Variants in GLT8D1 observed in about 807,000 individuals in gnomAD.
The protein encoded by GLT8D1 is glycosyltransferase 8 domain-containing protein 1.
GLT8D1 carries 41 observed loss-of-function variants against 46.2 expected under a neutral mutation model. The observed-to-expected ratio is 0.89, with a 90% CI of 0.69 to 1.15. The LOEUF is 1.15. Among genes scored for constraint, GLT8D1 ranks in the 50% most tolerant of loss-of-function variants. The pLI, the probability that GLT8D1 is intolerant of heterozygous loss-of-function variation, is 0.00. For synonymous variants in GLT8D1, 150 were observed against 154.2 expected (o/e 0.97, Z 0.20); for missense variants, 408 against 449.3 (o/e 0.91, Z 0.83).
At chr3:52,699,386 G>T (rs1452985601) in intron 3 of GLT8D1, among the ~76,000 whole-genome samples, 3 of 152,184 alleles carry the variant, frequency 2.0e-5, no homozygotes, top group African/African-American at 7.2e-5. Flanking sequence ...CTGGGTTCAA[G>T]CGATTCTCCT....
chr3:52,697,544 T>G, intron 4 of GLT8D1, 177 bp downstream of exon 4: 1 of 601,878 alleles, frequency 1.7e-6, no homozygotes. Context: ...CTTCTCCTAT[T>G]ATGGGGATAT....
intron 7 of GLT8D1, 155 bp downstream of exon 7, chr3:52,695,773 T>TGTCAA (rs1334290655): frequency 1.4e-5 from 9 of 638,890 alleles, no homozygotes; most frequent in Admixed American, 3.0e-5. Flanking sequence ...ACAATTAGGC[T>TGTCAA]GTCAAGTCCA....
chr3:52,699,098 A>G (rs903301304), intron 3 of GLT8D1, among the ~76,000 whole-genome samples: 1 of 152,180 alleles, frequency 6.6e-6, no homozygotes, highest in African/African-American at 2.4e-5. Context: ...TACAGTTTAT[A>G]TATAGTACAA....
Position 52,696,554 on chromosome 3 carries a change from T to C in GLT8D1, c.435A>G (p.Glu145=), listed in dbSNP as rs1324799570. The change falls in exon 5 of 10, where the codon GAA becomes GAG. Residue 145 remains glutamate, a synonymous_variant. Transcript: ENST00000266014. ...GCATGGAACTCACAGGTTTCATGGA[T>C]TCCCCCTGGTCAGGATCCTCCTTTA... The part of the protein sequence containing the change: ...GKVKEDPDQG[E]SMKPLTFARF... 1.9e-6 allele frequency: 3 copies of C among 1,565,922 alleles called. No individual in the cohort carries two copies. Among genetic ancestry groups the C allele is most frequent in the Admixed American group, 1.7e-5 (1 of 59,802 alleles).
intron 1 of GLT8D1, among the ~76,000 whole-genome samples, chr3:52,702,332 G>A (rs2097340049): frequency 6.6e-6 from 1 of 152,142 alleles, no homozygotes; most frequent in South Asian, 2.1e-4. Flanking sequence ...GATCACCTGA[G>A]CTGAGGAGTT....
Position 52,705,744 on chromosome 3 carries a change from C to A in GLT8D1, c.-334G>T. 1.1e-6 allele frequency: 1 copy of A among 935,134 alleles called. No homozygotes were observed. Among genetic ancestry groups the A allele is most frequent in the Non-Finnish European group, 1.4e-6 (1 of 720,276 alleles). The allele number at this position is 935,134 out of a possible 1,614,324, so 57.9% of individuals were successfully genotyped here. A position where few individuals can be genotyped will look rare whatever the true frequency, so the allele number is the denominator to read the frequency against. On this transcript the variant is annotated 5_prime_UTR_variant, in exon 1 of 10. Coordinates refer to ENST00000266014, the MANE Select transcript of GLT8D1 (RefSeq NM_018446.4). ...AGCCGCGCAGCCCCACTACGCCCAG[C>A]CAGCCCGCAGCGGTAACCGCTAGAG...
Position 52,695,965 on chromosome 3 carries a change from G to T in GLT8D1, c.608C>A (p.Ala203Asp). 1 of 1,611,692 alleles carries T rather than the reference G, an allele frequency of 6.2e-7. No individual in the cohort carries two copies. The highest frequency in any genetic ancestry group is 8.5e-7 in the Non-Finnish European group (1 of 1,177,768). ...AAAFSEDCDSASTKVVIRGAG... is the reference protein window; with the variant it reads ...AAAFSEDCDSDSTKVVIRGAG... ...TCCACGGATGACAACTTTAGTAGAGGCTGAATCACAATCTTCTGAAAATGC... is the reference window on the plus strand; with the variant it reads ...TCCACGGATGACAACTTTAGTAGAGTCTGAATCACAATCTTCTGAAAATGC... Residue 203 changes from alanine to aspartate, a missense_variant, in exon 7 of 10, where the codon GCC (alanine) becomes GAC (aspartate). Physicochemically the swap from Ala to Asp is moderately radical, Grantham distance 126. Transcript: ENST00000266014.
At chr3:52,700,564 CTTTTT>C in intron 1 of GLT8D1, 68 bp from the exon 2 acceptor site, 2 of 535,680 alleles carry the variant, frequency 3.7e-6, no homozygotes, top group Non-Finnish European at 3.3e-6. Context: ...TGCCCTAACA[CTTTTT>C]TTTTTTTTTT....
intron 1 of GLT8D1, among the ~76,000 whole-genome samples, chr3:52,702,317 G>A (rs533082262): frequency 7.3e-4 from 111 of 152,230 alleles, no homozygotes; most frequent in African/African-American, 2.4e-3. Context: ...AGGCTAACGC[G>A]GGCAGATCAC....
In GLT8D1 at chr3:52,703,856, A is replaced by C. The variant is rs896373954; in HGVS notation, c.-37+1591T>G. Reference sequence around the variant, plus strand: ...AATCCATATTGTCTTTCCTGGGGCTATTCCTGGTAAGAGAGCTTTCCTGAT... The same window carrying C: ...AATCCATATTGTCTTTCCTGGGGCTCTTCCTGGTAAGAGAGCTTTCCTGAT... On this transcript the variant is annotated intron_variant, in intron 1 of 9. Transcript: ENST00000266014. The C allele has an allele frequency of 2.6e-5, 4 of 152,216 alleles. No homozygotes were observed. The East Asian group carries it at 7.7e-4, about 29-fold the overall frequency. 9.4% of individuals were successfully genotyped at this position (152,216 alleles called of 1,614,324 possible).
In GLT8D1 at chr3:52,695,523, C is replaced by T; in HGVS notation, c.710G>A (p.Ser237Asn). 6.2e-7 allele frequency: 1 copy of T among 1,611,180 alleles called. No homozygotes were observed. The highest frequency in any genetic ancestry group is 8.5e-7 in the Non-Finnish European group (1 of 1,177,358). Residue 237 changes from serine (S) to asparagine (N), a missense_variant, in exon 8 of 10, where the codon AGC (serine) becomes AAC (asparagine). Physicochemically the swap from Ser to Asn is conservative, Grantham distance 46 (BLOSUM62 1). Transcript: ENST00000266014. ...ERIRKLSMKA[S>N]TCSFNPGVFV... is the part of the protein sequence containing the mutation. Reference sequence around the variant, plus strand: ...AACTCCAGGATTAAATGAGCAAGTGCTGGCTTTCATGGAAAGCTTACGAAT... The same window carrying T: ...AACTCCAGGATTAAATGAGCAAGTGTTGGCTTTCATGGAAAGCTTACGAAT...
At chr3:52,698,146 T>C (rs1304880175) in intron 3 of GLT8D1, among the ~76,000 whole-genome samples, 1 of 152,180 alleles carries the variant, frequency 6.6e-6, no homozygotes, top group Non-Finnish European at 1.5e-5. Context: ...TGACAGCACT[T>C]TGGTACACTA....
At chr3:52,696,198 G>A (rs1037074325) in intron 6 of GLT8D1, 36 bp downstream of exon 6, 1 of 1,374,486 alleles carries the variant, frequency 7.3e-7, no homozygotes, top group Non-Finnish European at 1.0e-6. Flanking sequence ...ACCCAATCTG[G>A]GTGGAGAACA....
intron 1 of GLT8D1, among the ~76,000 whole-genome samples, chr3:52,702,012 T>C (rs1045564551): frequency 1.3e-5 from 2 of 152,188 alleles, no homozygotes; most frequent in African/African-American, 2.4e-5. Flanking sequence ...CTTTCAAACA[T>C]AGCGTATTGC....
intron 1 of GLT8D1, among the ~76,000 whole-genome samples, chr3:52,702,676 A>G (rs895500064): frequency 6.6e-6 from 1 of 152,140 alleles, no homozygotes; most frequent in African/African-American, 2.4e-5. Flanking sequence ...GACCAGCCTG[A>G]GCAACATAGT....
intron 4 of GLT8D1, chr3:52,697,435 C>G (rs927328952): frequency 4.9e-6 from 2 of 410,692 alleles, no homozygotes; most frequent in Non-Finnish European, 9.1e-6. Flanking sequence ...ATTTACTGCT[C>G]CCTTCACTGA....
At position 52,695,040 on chromosome 3, in the gene GLT8D1, C is replaced by T. The variant is rs768151874; in HGVS notation, c.926-5G>A. 3.7e-6 allele frequency: 6 copies of T among 1,603,724 alleles called. No individual in the cohort carries two copies. Among genetic ancestry groups the T allele is most frequent in the Admixed American group, 3.3e-5 (2 of 59,984 alleles). ...ATCGTTTTCCAGCACTGGAACCTTA[C>T]ATTTGAGACAAAAATAGCCACATCG... On this transcript the variant is annotated splice_region_variant and splice_polypyrimidine_tract_variant and intron_variant, in intron 9 of 9. Coordinates refer to ENST00000266014, the MANE Select transcript of GLT8D1 (RefSeq NM_018446.4).
rs941470239 is a variant in GLT8D1, at chr3:52,705,754, G to A, written c.-344C>T. ...CCCCACTACGCCCAGCCAGCCCGCAGCGGTAACCGCTAGAGCGTCGCGCCA... is the reference window on the plus strand; with the variant it reads ...CCCCACTACGCCCAGCCAGCCCGCAACGGTAACCGCTAGAGCGTCGCGCCA... On this transcript the variant is annotated 5_prime_UTR_variant, in exon 1 of 10. Coordinates refer to ENST00000266014, the MANE Select transcript of GLT8D1 (RefSeq NM_018446.4). 1.2e-5 allele frequency: 12 copies of A among 1,022,264 alleles called. No individual in the cohort carries two copies. The highest frequency in any genetic ancestry group is 4.5e-5 in the Admixed American group (1 of 22,300). 63.3% of individuals were successfully genotyped at this position (1,022,264 alleles called of 1,614,324 possible).
rs2097335328 is a variant in GLT8D1, at chr3:52,697,770, T to A, written c.280A>T (p.Asn94Tyr). ...INSIQHNTRS[N>Y]VIFYIVTLNN... ...AGAGTAACAATGTAGAAAATCACAT[T>A]GGAGCGAGTGTTGTGCTGAATGCTG... The change falls in exon 4 of 10, where the codon AAT becomes TAT. Residue 94 changes from asparagine (N) to tyrosine (Y), a missense_variant. Physicochemically the swap from Asn to Tyr is moderately radical, Grantham distance 143 (BLOSUM62 -2). Coordinates refer to ENST00000266014, the MANE Select transcript of GLT8D1 (RefSeq NM_018446.4). The A allele has an allele frequency of 6.2e-7, 1 of 1,613,856 alleles. No homozygotes were observed. Among genetic ancestry groups the A allele is most frequent in the Non-Finnish European group, 8.5e-7 (1 of 1,179,846 alleles).
Sources: gnomAD v4.1 joint callset for allele counts (sites outside exome capture counted in the v4.1 genomes callset) on GRCh38, gnomAD v4.1.1 for gene constraint, MANE v1.5 for transcripts, NCBI Gene and HGNC (gene_info 2026-07-23, HGNC 2026-07-21) for gene names.